The following DOCK7 variants were observed in gnomAD, a reference collection of about 807,000 sequenced individuals.
DOCK7 encodes the protein dedicator of cytokinesis protein 7.
DOCK7 carries 138 observed loss-of-function variants against 271.0 expected under a neutral mutation model. That is an observed-to-expected ratio of 0.51 (90% CI 0.44 to 0.59). DOCK7 has a LOEUF of 0.59. Ranked by LOEUF, DOCK7 falls within the 20% of genes least tolerant of loss-of-function variation. The probability of loss-of-function intolerance (pLI) is 0.00; values close to 1 mark genes in which losing one functional copy is unlikely to be tolerated. For missense variants in DOCK7, 2,066 were observed against 2,592.4 expected, an observed-to-expected ratio of 0.80 and a Z score of 4.41; for synonymous variants, 823 against 876.1, an observed-to-expected ratio of 0.94 and a Z score of 1.07.
At chr1:62,641,327 T>C in intron 7 of DOCK7, 1 of 409,320 alleles carries the variant, frequency 2.4e-6, no homozygotes, top group Non-Finnish European at 4.8e-6. Flanking sequence ...GTAGGCAAAC[T>C]TTCTCACAGG....
chr1:62,462,914 CTT>C (rs34400688), intron 48 of DOCK7, among the ~76,000 whole-genome samples: 1,767 of 79,396 alleles, frequency 0.022, 18 homozygotes, highest in African/African-American at 0.078. Flanking sequence ...GTAGAAAAAG[CTT>C]TTTTTTTTTT....
chr1:62,633,458 T>C (rs779173142), intron 10 of DOCK7, 40 bp downstream of exon 10: 15 of 1,435,068 alleles, frequency 1.0e-5, no homozygotes, highest in African/African-American at 8.5e-5. Context: ...CAAGTTACAA[T>C]AGTAATAATG....
chr1:62,668,096 C>A (rs1054380019), intron 1 of DOCK7, among the ~76,000 whole-genome samples: 6 of 152,052 alleles, frequency 3.9e-5, no homozygotes, highest in Non-Finnish European at 7.4e-5. Flanking sequence ...ACTGTACCAC[C>A]TAGTAAGTAT....
intron 14 of DOCK7, chr1:62,604,490 TA>T: frequency 1.0e-6 from 1 of 969,704 alleles, no homozygotes; most frequent in Non-Finnish European, 1.6e-6. Context: ...AATTGGGACT[TA>T]TACAGATTAT....
chr1:62,557,065 C>T (rs147807127), intron 20 of DOCK7, among the ~76,000 whole-genome samples: 3 of 137,230 alleles, frequency 2.2e-5, no homozygotes, highest in Non-Finnish European at 4.7e-5. Flanking sequence ...TTTTTCTTTT[C>T]TTTTTTTTTT....
intron 7 of DOCK7, among the ~76,000 whole-genome samples, chr1:62,640,236 G>A (rs948391354): frequency 2.6e-5 from 4 of 152,082 alleles, no homozygotes; most frequent in Non-Finnish European, 4.4e-5. Flanking sequence ...TGTGTGGGCT[G>A]GGCACGGTGG....
intron 14 of DOCK7, among the ~76,000 whole-genome samples, chr1:62,611,588 A>G (rs1257215292): frequency 6.6e-6 from 1 of 152,192 alleles, no homozygotes; most frequent in Non-Finnish European, 1.5e-5. Flanking sequence ...GGTACACAAA[A>G]AAATTAGCAG....
At position 62,561,604 on chromosome 1, in the gene DOCK7, T is replaced by A; in HGVS notation, c.2199+13A>T. 1 of 1,495,126 alleles carries A rather than the reference T, an allele frequency of 6.7e-7. No homozygotes were observed. Among genetic ancestry groups the A allele is most frequent in the Admixed American group, 2.5e-5 (1 of 39,996 alleles). 92.6% of individuals were successfully genotyped at this position (1,495,126 alleles called of 1,614,324 possible). A position where few individuals can be genotyped will look rare whatever the true frequency, so the allele number is the denominator to read the frequency against. On this transcript the variant is annotated intron_variant, in intron 19 of 49. Coordinates refer to ENST00000635253, the MANE Select transcript of DOCK7 (RefSeq NM_001367561.1). ...TTAAGTGAAATTTGATAATAAAAAT[T>A]ATTAAAACTCACTTGTGTATGGATA...
At chr1:62,664,791 A>C (rs943478620) in intron 1 of DOCK7, among the ~76,000 whole-genome samples, 12 of 152,054 alleles carry the variant, frequency 7.9e-5, no homozygotes, top group African/African-American at 2.9e-4. Flanking sequence ...TTAAAAAAAA[A>C]AAAAAAAAGT....
rs374306196 is a variant in DOCK7 at position 62,494,473 on chromosome 1, T to C, written c.5025-6A>G. On this transcript the variant is annotated splice_region_variant and splice_polypyrimidine_tract_variant and intron_variant, in intron 39 of 49. Coordinates refer to ENST00000635253, the MANE Select transcript of DOCK7 (RefSeq NM_001367561.1). ...TCTGGTAACCCTTGGCAATTCTAAT[T>C]AGAACAGAAATTCTTCTCCATTAGT... The C allele has an allele frequency of 1.7e-5, 27 of 1,589,852 alleles. No individual in the cohort carries two copies. The highest frequency in any genetic ancestry group is 9.5e-6 in the Non-Finnish European group (11 of 1,161,280).
chr1:62,609,008 C>G (rs1651402810), intron 14 of DOCK7: 1 of 152,004 alleles, frequency 6.6e-6, no homozygotes, highest in African/African-American at 2.4e-5. Context: ...TTTTTTTCCC[C>G]ATCACTAACA....
chr1:62,601,819 G>T, intron 14 of DOCK7: 1 of 1,610,156 alleles, frequency 6.2e-7, no homozygotes, highest in South Asian at 1.1e-5. Flanking sequence ...ACATACAAGT[G>T]GCATGTATGC....
At chr1:62,495,764 T>TCTG in intron 38 of DOCK7, 83 bp from the exon 39 acceptor site, 2 of 1,075,950 alleles carry the variant, frequency 1.9e-6, no homozygotes, top group Non-Finnish European at 2.7e-6. Flanking sequence ...ATATTTCAGA[T>TCTG]AAATATCTAA....
chr1:62,601,850 A>G, intron 14 of DOCK7: 1 of 1,608,608 alleles, frequency 6.2e-7, no homozygotes, highest in South Asian at 1.1e-5. Context: ...AGCAACTCTC[A>G]AGTTTTTCAT....
At chr1:62,653,847 C>A in intron 3 of DOCK7, 54 bp from the exon 4 acceptor site, 5 of 1,460,368 alleles carry the variant, frequency 3.4e-6, no homozygotes, top group South Asian at 1.2e-5. Context: ...CACTGATGTT[C>A]ATTAATTTGG....
rs188263798 is a variant in DOCK7, at chr1:62,678,859, C to A, written c.38+9368G>T. On this transcript the variant is annotated intron_variant, in intron 1 of 49. Transcript: ENST00000635253. ...ACAAATAAGGATATATCATCTACAA[C>A]AGATAATTTCAATGTACATTTTAAA... Among the ~76,000 whole-genome samples the A allele has an allele frequency of 2.7e-3, 412 of 152,138 alleles. 1 individual carries two copies. The highest frequency in any genetic ancestry group is 3.6e-3 in the Admixed American group (55 of 15,292).
chr1:62,629,102 C>A (rs1654299185), intron 11 of DOCK7: 1 of 152,130 alleles, frequency 6.6e-6, no homozygotes, highest in South Asian at 2.1e-4. Flanking sequence ...TAAAGATATG[C>A]TGAAACTGGA....
chr1:62,533,093 G>A (rs1004132398), intron 29 of DOCK7, among the ~76,000 whole-genome samples: 5 of 152,168 alleles, frequency 3.3e-5, no homozygotes, highest in East Asian at 1.9e-4. Context: ...GGGTTTATCC[G>A]TTCGGAGCCC....
rs139694599 is a variant in DOCK7, at chr1:62,570,703, C to T, written c.2112+6559G>A. Among the ~76,000 whole-genome samples the T allele has an allele frequency of 7.5e-3, 1,146 of 152,226 alleles. 15 individuals carry two copies. Among genetic ancestry groups the T allele is most frequent in the African/African-American group, 0.026 (1,076 of 41,536 alleles). On this transcript the variant is annotated intron_variant, in intron 18 of 49. Coordinates refer to ENST00000635253, the MANE Select transcript of DOCK7 (RefSeq NM_001367561.1). Reference sequence around the variant, plus strand: ...AAACAGCATGGTGCTAGTACAAAAACAGACACATAGACCAATGGAACAGAA... The same window carrying T: ...AAACAGCATGGTGCTAGTACAAAAATAGACACATAGACCAATGGAACAGAA...
Sources: gnomAD v4.1 joint callset for allele counts (sites outside exome capture counted in the v4.1 genomes callset) on GRCh38, gnomAD v4.1.1 for gene constraint, MANE v1.5 for transcripts, NCBI Gene and HGNC (gene_info 2026-07-23, HGNC 2026-07-21) for gene names.